BCL7C: variants seen among roughly 807,000 people sequenced by gnomAD.
The protein encoded by BCL7C is B-cell CLL/lymphoma 7 protein family member C.
Under a neutral mutation model 26.2 loss-of-function variants are expected in BCL7C, and 8 were observed. That is an observed-to-expected ratio of 0.30 (90% CI 0.18 to 0.55). The LOEUF (loss-of-function observed/expected upper bound fraction) is 0.55, where lower values mean the gene tolerates loss of function less well. BCL7C is among the 20% of genes least tolerant of loss of function. The pLI is 0.93. For synonymous variants in BCL7C, 90 were observed against 116.5 expected (o/e 0.77, Z 1.47); for missense variants, 262 against 298.5 (o/e 0.88, Z 0.90).
At chr16:30,842,710 T>C (rs4889524) in intron 5 of BCL7C, among the ~76,000 whole-genome samples, 147,746 of 152,236 alleles carry the variant, frequency 0.97, 71,825 homozygotes, top group Middle Eastern at 1. Context: ...CTGGGACCAC[T>C]GGCGCCCGCC....
chr16:30,847,879 C>A (rs1368658513), intron 5 of BCL7C, among the ~76,000 whole-genome samples: 2 of 151,652 alleles, frequency 1.3e-5, no homozygotes, highest in African/African-American at 4.8e-5. Context: ...AGAAAATGAC[C>A]CAGCTTACAC....
chr16:30,858,504 C>T (rs1350858265), intron 5 of BCL7C, among the ~76,000 whole-genome samples: 1 of 152,108 alleles, frequency 6.6e-6, no homozygotes, highest in Non-Finnish European at 1.5e-5. Flanking sequence ...AAAATAAGGG[C>T]TTAAGGGGGT....
Position 30,866,026 on chromosome 16 carries a change from C to T in BCL7C, c.528+22834G>A, listed in dbSNP as rs560808294. 8.6e-3 allele frequency among the ~76,000 whole-genome samples: 1,301 copies of T among 151,942 alleles called. 15 individuals are homozygous for T. The highest frequency in any genetic ancestry group is 0.015 in the Non-Finnish European group (1,032 of 67,980). On this transcript the variant is annotated intron_variant, in intron 5 of 5. Coordinates refer to the BCL7C transcript ENST00000380317. ...GTGGTATTACAGGCGTGAGCCACCT[C>T]GCCCGGCCATATGGGTTTTATAACA... is the stretch of plus-strand genomic sequence containing the variant.
At position 30,834,712 on chromosome 16, in the gene BCL7C, G is replaced by C; in HGVS notation, c.*236C>G. ...CTAGGCCTCTAGCAAGGCGGCCTCAGGCACTGGATGTGGTCCGAGTTCTGC... is the reference window on the plus strand; with the variant it reads ...CTAGGCCTCTAGCAAGGCGGCCTCACGCACTGGATGTGGTCCGAGTTCTGC... On this transcript the variant is annotated 3_prime_UTR_variant, in exon 6 of 6. Transcript: ENST00000380317. The surrounding 1 kb of genome is among the most constrained non-coding windows in gnomAD (Gnocchi z 4.3). 2 of 420,286 alleles carry C rather than the reference G, an allele frequency of 4.8e-6. No homozygotes were observed. The highest frequency in any genetic ancestry group is 8.5e-6 in the Non-Finnish European group (2 of 235,660). 26.0% of individuals were successfully genotyped at this position (420,286 alleles called of 1,614,324 possible).
At chr16:30,841,816 G>A (rs550439483) in intron 5 of BCL7C, among the ~76,000 whole-genome samples, 204 of 152,046 alleles carry the variant, frequency 1.3e-3, no homozygotes, top group South Asian at 2.3e-3. Flanking sequence ...TTAGCCAGGC[G>A]TGGTGGTGGG....
At chr16:30,848,709 G>A (rs2054650884) in intron 5 of BCL7C, among the ~76,000 whole-genome samples, 1 of 151,968 alleles carries the variant, frequency 6.6e-6, no homozygotes, top group Non-Finnish European at 1.5e-5. Context: ...GGCCAACATG[G>A]TGAAACTCCA....
At chr16:30,884,186 G>A (rs2055089686), downstream of BCL7C, among the ~76,000 whole-genome samples, 1 of 151,456 alleles carries the variant, frequency 6.6e-6, no homozygotes, top group Non-Finnish European at 1.5e-5. Context: ...TGCCTGGGGG[G>A]AATCAGGACA....
At chr16:30,892,270 C>CAAAAAAAAAAA (rs55772061) in intron 4 of BCL7C, among the ~76,000 whole-genome samples, 1 of 44,490 alleles carries the variant, frequency 2.2e-5, no homozygotes, top group African/African-American at 1.1e-4. Flanking sequence ...GACCCTTTCT[C>CAAAAAAAAAAA]AAAAAAAAAA....
chr16:30,872,165 T>C (rs746580188), intron 5 of BCL7C, among the ~76,000 whole-genome samples: 5 of 151,962 alleles, frequency 3.3e-5, no homozygotes, highest in Non-Finnish European at 5.9e-5. Context: ...GAGGCAGAGT[T>C]CTGATGAAGA....
intron 5 of BCL7C, among the ~76,000 whole-genome samples, chr16:30,870,088 A>T (rs2054869669): frequency 6.6e-6 from 1 of 152,136 alleles, no homozygotes; most frequent in African/African-American, 2.4e-5. Flanking sequence ...CTGCCACCTT[A>T]GGAAGATGCA....
chr16:30,893,108 GCTGCAT>G lies in BCL7C; in HGVS notation c.171+98_171+103del. 7.6e-7 allele frequency: 1 copy of G among 1,312,470 alleles called. No homozygotes were observed. The highest frequency in any genetic ancestry group is 1.1e-6 in the Non-Finnish European group (1 of 931,812). 81.3% of individuals were successfully genotyped at this position (1,312,470 alleles called of 1,614,324 possible). On this transcript the variant is annotated intron_variant, in intron 2 of 5. Coordinates refer to ENST00000215115, the MANE Select transcript of BCL7C (RefSeq NM_004765.4). This position sits in a 1 kb window ranked among gnomAD's most constrained non-coding sequence, Gnocchi z 5.2. ...GCTAATGATGGTTCCCGTCTGTCCTGCTGCATCTGAGGTCTCGGGGAGCTGGAGGTA... is the reference window on the plus strand; with the variant it reads ...GCTAATGATGGTTCCCGTCTGTCCTGCTGAGGTCTCGGGGAGCTGGAGGTA...
chr16:30,835,123 C>G (rs1355957838), exon 6 of BCL7C: 4 of 1,525,306 alleles, frequency 2.6e-6, no homozygotes, highest in South Asian at 2.4e-5. Context: ...GTGAAGGGCT[C>G]TCCTCGTCAT....
chr16:30,834,787 C>T lies in BCL7C; in HGVS notation c.*161G>A, dbSNP rs1189716739. 3.0e-6 allele frequency: 2 copies of T among 660,804 alleles called. No individual in the cohort carries two copies. The highest frequency in any genetic ancestry group is 1.8e-5 in the African/African-American group (1 of 54,336). The allele number at this position is 660,804 out of a possible 1,614,324, so 40.9% of individuals were successfully genotyped here. On this transcript the variant is annotated 3_prime_UTR_variant, in exon 6 of 6. Coordinates refer to the BCL7C transcript ENST00000380317. The surrounding 1 kb of genome is among the most constrained non-coding windows in gnomAD (Gnocchi z 4.3). ...GCGCCAGTGGCGAGCCAGATGGGTG[C>T]TGTGGCCTTAGGTTCGGGCAGGTGT...
In BCL7C at chr16:30,866,448, G is replaced by A. The variant is rs138416061; in HGVS notation, c.528+22412C>T. 7.6e-4 allele frequency among the ~76,000 whole-genome samples: 116 copies of A among 152,016 alleles called. No homozygotes were observed. The East Asian group carries it at 0.019, about 24-fold the overall frequency. ...AAAAATTAGCCAGGCGTGGTGGCAC[G>A]CACCTGTAGTCCCAGCTACTCAGGG... On this transcript the variant is annotated intron_variant, in intron 5 of 5. Transcript: ENST00000380317.
chr16:30,834,962 C>T lies in BCL7C; in HGVS notation c.715G>A (p.Gly239Ser). The change falls in exon 6 of 6, where the codon GGT becomes AGT. Residue 239 changes from glycine to serine, a missense_variant. By Grantham distance (56) the Gly-to-Ser change is moderately conservative. Transcript: ENST00000380317. This position sits in a 1 kb window ranked among gnomAD's most constrained non-coding sequence, Gnocchi z 4.3. ...GGGGAGCCCACTCACCTCCCCTTAC[C>T]CTGGGGGATTGTTCTGGGTGCCCTC... 6.5e-7 allele frequency: 1 copy of T among 1,541,954 alleles called. No individual in the cohort carries two copies. The highest frequency in any genetic ancestry group is 2.5e-5 in the East Asian group (1 of 40,700).
At chr16:30,864,021 T>C (rs1049365497) in intron 5 of BCL7C, among the ~76,000 whole-genome samples, 1 of 152,146 alleles carries the variant, frequency 6.6e-6, no homozygotes, top group African/African-American at 2.4e-5. Flanking sequence ...TCCCCAGCTA[T>C]CTCCATCACA....
chr16:30,862,232 G>C (rs1019591936), intron 5 of BCL7C, among the ~76,000 whole-genome samples: 6 of 152,004 alleles, frequency 3.9e-5, no homozygotes, highest in Non-Finnish European at 8.8e-5. Context: ...TTGCTTCCCT[G>C]ACTATTTCTG....
chr16:30,835,720 C>T (rs2054565255), intron 5 of BCL7C, among the ~76,000 whole-genome samples: 1 of 150,288 alleles, frequency 6.7e-6, no homozygotes, highest in Non-Finnish European at 1.5e-5. Context: ...GTGGCGGGCG[C>T]CTGTAATCCC....
intron 5 of BCL7C, among the ~76,000 whole-genome samples, chr16:30,848,369 T>C (rs2054648579): frequency 6.6e-6 from 1 of 152,122 alleles, no homozygotes. Flanking sequence ...AAATGCACCA[T>C]TGAGGTGGGC....
Sources: allele counts gnomAD v4.1 joint callset (sites outside exome capture counted in the v4.1 genomes callset), GRCh38; gene constraint gnomAD v4.1.1; non-coding constraint Gnocchi (gnomAD v3.1); transcripts MANE v1.5; gene names NCBI Gene and HGNC (gene_info 2026-07-23, HGNC 2026-07-21).